Variants in SMPD3 observed in about 807,000 individuals in gnomAD.
The protein encoded by SMPD3 is sphingomyelin phosphodiesterase 3, also known as nSMase-2.
A neutral mutation model predicts 55.7 loss-of-function variants in SMPD3; 21 were observed. That is an observed-to-expected ratio of 0.38 (90% confidence interval 0.27 to 0.54). The LOEUF is 0.54. Among genes scored for constraint, SMPD3 ranks in the 20% least tolerant of loss-of-function variants. The pLI is 0.80. For missense variants in SMPD3, 842 were observed against 899.6 expected (o/e 0.94, Z 0.82); for synonymous variants, 457 against 404.3 (o/e 1.13, Z -1.56).
intron 2 of SMPD3, among the ~76,000 whole-genome samples, chr16:68,379,168 G>A (rs1231019386): frequency 6.6e-6 from 1 of 152,250 alleles, no homozygotes; most frequent in Admixed American, 6.5e-5. Context: ...ACTGGGAAAA[G>A]TGGAGGCTCC....
Position 68,359,230 on chromosome 16 carries a change from T to C in SMPD3, c.*1976A>G, listed in dbSNP as rs1277680841. ...AGGGGTCCAGGGCCGGCCGGCCCAG[T>C]CGCTTGTGTGAGCAGAGTACCAGCT... On this transcript the variant is annotated 3_prime_UTR_variant, in exon 9 of 9. Coordinates refer to ENST00000219334, the MANE Select transcript of SMPD3 (RefSeq NM_018667.4). 1.3e-5 allele frequency: 2 copies of C among 152,430 alleles called. No individual in the cohort carries two copies. Among genetic ancestry groups the C allele is most frequent in the Non-Finnish European group, 2.9e-5 (2 of 68,212 alleles). The allele number at this position is 152,430 out of a possible 1,614,324, so 9.4% of individuals were successfully genotyped here. A position where few individuals can be genotyped will look rare whatever the true frequency, so the allele number is the denominator to read the frequency against.
At chr16:68,361,355 G>T (rs763452652) in intron 8 of SMPD3, 48 bp from the exon 9 acceptor site, 25 of 1,562,460 alleles carry the variant, frequency 1.6e-5, no homozygotes, top group Middle Eastern at 1.7e-4. Context: ...GATTCCAAGG[G>T]CATCTTGCAG....
chr16:68,370,897 C>T lies in SMPD3; in HGVS notation c.1285G>A (p.Asp429Asn), dbSNP rs572684927. 135 of 1,614,058 alleles carry T rather than the reference C, an allele frequency of 8.4e-5. 3 individuals carry two copies. In the South Asian group the frequency reaches 8.7e-4, roughly 10 times the overall value. Residue 429 changes from aspartate to asparagine, a missense_variant, in exon 3 of 9, where the codon GAC (aspartate) becomes AAC (asparagine). This residue lies in a region of SMPD3 where 649 missense variants were observed against 643.6 expected (regional missense o/e 1.01). Coordinates refer to ENST00000219334, the MANE Select transcript of SMPD3 (RefSeq NM_018667.4). Reference protein sequence around the residue: ...AYHCYPNKCNDDALASKGALF... With the variant: ...AYHCYPNKCNNDALASKGALF... ...GCTCCCTTAGAGGCCAGGGCATCGT[C>T]GTTACACTTGTTGGGGTAACAGTGA... is the stretch of plus-strand genomic sequence containing the variant.
chr16:68,426,388 C>T (rs1171172870), intron 1 of SMPD3, among the ~76,000 whole-genome samples: 3 of 152,134 alleles, frequency 2.0e-5, no homozygotes, highest in Admixed American at 6.5e-5. Flanking sequence ...TGAGCTGGCT[C>T]ACCCTGGTCA....
chr16:68,403,183 C>A (rs976320989), intron 1 of SMPD3, among the ~76,000 whole-genome samples: 1 of 152,250 alleles, frequency 6.6e-6, no homozygotes, highest in Admixed American at 6.5e-5. Flanking sequence ...AATAATGCCT[C>A]CTGTCACCCT....
intron 1 of SMPD3, among the ~76,000 whole-genome samples, chr16:68,442,804 C>A (rs1421276784): frequency 6.6e-6 from 1 of 152,176 alleles, no homozygotes. Flanking sequence ...AGAAAACAAT[C>A]AAATCTGTCT....
intron 1 of SMPD3, among the ~76,000 whole-genome samples, chr16:68,388,468 C>A (rs1357587636): frequency 1.3e-5 from 2 of 152,212 alleles, no homozygotes; most frequent in Non-Finnish European, 2.9e-5. Context: ...ATAAAGGAGG[C>A]AGGCCACTCC....
intron 1 of SMPD3, among the ~76,000 whole-genome samples, chr16:68,440,028 G>T (rs2090553763): frequency 6.6e-6 from 1 of 152,210 alleles, no homozygotes; most frequent in East Asian, 1.9e-4. Flanking sequence ...GAACATGAAA[G>T]ATTGTGTAGA....
intron 2 of SMPD3, among the ~76,000 whole-genome samples, chr16:68,378,353 A>G (rs953079569): frequency 6.6e-6 from 1 of 152,200 alleles, no homozygotes; most frequent in African/African-American, 2.4e-5. Context: ...AGAAAGACAG[A>G]AGCGGATGCC....
At chr16:68,388,428 C>A (rs1441439888) in intron 1 of SMPD3, among the ~76,000 whole-genome samples, 1 of 152,186 alleles carries the variant, frequency 6.6e-6, no homozygotes, top group East Asian at 1.9e-4. Context: ...CTGACCCAGG[C>A]CACAGGCTCA....
At position 68,364,809 on chromosome 16, in the gene SMPD3, C is replaced by T. The variant is rs1405039662; in HGVS notation, c.1497G>A (p.Glu499=). Residue 499 remains glutamate, a synonymous_variant, in exon 5 of 9, where the codon GAG becomes GAA. Coordinates refer to ENST00000219334, the MANE Select transcript of SMPD3 (RefSeq NM_018667.4). ...STSSSSAANP[E]ELVAFDVVCG... is the part of the protein sequence containing the mutation. ...AGACGACGTCAAATGCCACCAGCTC[C>T]TCGGGGTTGGCTGCGCTGGACGAGG... 1 of 1,613,792 alleles carries T rather than the reference C, an allele frequency of 6.2e-7. No individual in the cohort carries two copies. Among genetic ancestry groups the T allele is most frequent in the East Asian group, 2.2e-5 (1 of 44,892 alleles).
Position 68,360,991 on chromosome 16 carries a change from C to T in SMPD3, c.*215G>A, listed in dbSNP as rs2089226764. 1.8e-6 allele frequency: 1 copy of T among 557,116 alleles called. No homozygotes were observed. The highest frequency in any genetic ancestry group is 1.9e-5 in the African/African-American group (1 of 52,992). The allele number at this position is 557,116 out of a possible 1,614,324, so 34.5% of individuals were successfully genotyped here. Reference sequence around the variant, plus strand: ...TTGTGAAAGAATGGCACTGGTTAGGCAGCTGGAGGCTCCTGGGGCGGGCCT... The same window carrying T: ...TTGTGAAAGAATGGCACTGGTTAGGTAGCTGGAGGCTCCTGGGGCGGGCCT... On this transcript the variant is annotated 3_prime_UTR_variant, in exon 9 of 9. Transcript: ENST00000219334.
At chr16:68,372,494 G>C (rs2089698278) in intron 2 of SMPD3, 107 bp from the exon 3 acceptor site, 5 of 452,806 alleles carry the variant, frequency 1.1e-5, no homozygotes, top group Admixed American at 3.6e-5. Context: ...CCTGGTGTGA[G>C]TGGGACAGTT....
At chr16:68,427,672 C>A (rs561431439) in intron 1 of SMPD3, among the ~76,000 whole-genome samples, 52 of 151,804 alleles carry the variant, frequency 3.4e-4, no homozygotes, top group African/African-American at 1.2e-3. Context: ...GGGCAGAAGT[C>A]AACAAGATGA....
At chr16:68,426,991 CTTTTTT>C (rs56214206) in intron 1 of SMPD3, among the ~76,000 whole-genome samples, 74 of 112,126 alleles carry the variant, frequency 6.6e-4, no homozygotes, top group African/African-American at 2.2e-3. Flanking sequence ...TCAGGTCTAT[CTTTTTT>C]TTTTTTTTTT....
chr16:68,423,942 A>C (rs553971849), intron 1 of SMPD3, among the ~76,000 whole-genome samples: 11 of 152,100 alleles, frequency 7.2e-5, no homozygotes, highest in African/African-American at 2.4e-4. Context: ...GAAGGTCTGG[A>C]GGCCTCAGTG....
intron 1 of SMPD3, among the ~76,000 whole-genome samples, chr16:68,398,644 C>A (rs1373091045): frequency 5.3e-5 from 8 of 152,230 alleles, no homozygotes; most frequent in Admixed American, 5.2e-4. Context: ...CCATAAATTG[C>A]TTTTGTTTCC....
chr16:68,445,531 C>A (rs73551982), intron 1 of SMPD3, among the ~76,000 whole-genome samples: 5,383 of 152,220 alleles, frequency 0.035, 268 homozygotes, highest in African/African-American at 0.11. Flanking sequence ...GGAGGGAGCC[C>A]CCCAATAGAA....
intron 1 of SMPD3, among the ~76,000 whole-genome samples, chr16:68,397,471 T>C (rs1404788894): frequency 6.6e-6 from 1 of 152,180 alleles, no homozygotes; most frequent in Non-Finnish European, 1.5e-5. Context: ...GTCAAGCCCA[T>C]TGTCTCTCCC....
Sources: allele counts gnomAD v4.1 joint callset (sites outside exome capture counted in the v4.1 genomes callset), GRCh38; gene constraint gnomAD v4.1.1; regional missense constraint gnomAD v4.1.1; transcripts MANE v1.5; gene names NCBI Gene and HGNC (gene_info 2026-07-23, HGNC 2026-07-21).